ADGRB3: variants seen among roughly 807,000 people sequenced by gnomAD.
The protein encoded by ADGRB3 is adhesion G protein-coupled receptor B3.
Under a neutral mutation model 193.4 loss-of-function variants are expected in ADGRB3, and 37 were observed. The observed-to-expected ratio is 0.19, with a 90% CI of 0.15 to 0.25. The LOEUF (loss-of-function observed/expected upper bound fraction) is 0.25. Among genes scored for constraint, ADGRB3 ranks in the 10% least tolerant of loss-of-function variants. ADGRB3 has a pLI of 1.00. For missense variants in ADGRB3, 1,637 were observed against 1,852.9 expected (o/e 0.88, Z 2.14); for synonymous variants, 690 against 644.2 (o/e 1.07, Z -1.08).
At chr6:68,651,513 G>A (rs940833751) in intron 3 of ADGRB3, among the ~76,000 whole-genome samples, 2 of 152,228 alleles carry the variant, frequency 1.3e-5, no homozygotes, top group Admixed American at 1.3e-4. Flanking sequence ...TATTACATGT[G>A]CTTGCCTCTG....
At chr6:69,005,500 A>G (rs113825369) in intron 11 of ADGRB3, among the ~76,000 whole-genome samples, 1 of 152,178 alleles carries the variant, frequency 6.6e-6, no homozygotes, top group African/African-American at 2.4e-5. Flanking sequence ...AGTTTTCACA[A>G]TGAGTCAGAG....
chr6:69,199,503 C>A (rs905237306), intron 17 of ADGRB3, among the ~76,000 whole-genome samples: 2 of 151,972 alleles, frequency 1.3e-5, no homozygotes, highest in Admixed American at 6.6e-5. Flanking sequence ...ATAAGCTTTT[C>A]TTATTATAAC....
At chr6:69,325,843 G>A (rs1024895141) in intron 21 of ADGRB3, among the ~76,000 whole-genome samples, 1 of 152,158 alleles carries the variant, frequency 6.6e-6, no homozygotes, top group Admixed American at 6.5e-5. Flanking sequence ...GTTTCAGCAA[G>A]GTCTATTATG....
chr6:69,244,217 A>T (rs975803421), intron 20 of ADGRB3, among the ~76,000 whole-genome samples: 1 of 151,766 alleles, frequency 6.6e-6, no homozygotes, highest in African/African-American at 2.4e-5. Flanking sequence ...GTTCTCTATT[A>T]TGTTTTCTTC....
intron 6 of ADGRB3, among the ~76,000 whole-genome samples, chr6:68,948,253 A>G (rs1767825613): frequency 6.6e-6 from 1 of 152,104 alleles, no homozygotes; most frequent in Admixed American, 6.6e-5. Flanking sequence ...GTTTTCTGAT[A>G]TGGTTTAGGT....
At chr6:68,940,855 G>T (rs1767623739) in intron 5 of ADGRB3, among the ~76,000 whole-genome samples, 2 of 152,086 alleles carry the variant, frequency 1.3e-5, no homozygotes, top group Admixed American at 6.6e-5. Context: ...TCGTGCCACT[G>T]CACTCCAGCC....
intron 3 of ADGRB3, among the ~76,000 whole-genome samples, chr6:68,694,776 C>A (rs543107977): frequency 6.6e-6 from 1 of 152,118 alleles, no homozygotes; most frequent in Admixed American, 6.6e-5. Flanking sequence ...TAGATTCTAT[C>A]CCTTCACCAC....
chr6:69,330,106 C>CT (rs1436026303), intron 22 of ADGRB3, among the ~76,000 whole-genome samples: 7 of 151,508 alleles, frequency 4.6e-5, no homozygotes, highest in Non-Finnish European at 1.5e-5. Flanking sequence ...GTCTAAAACT[C>CT]TAAAAAAAAA....
intron 3 of ADGRB3, among the ~76,000 whole-genome samples, chr6:68,736,603 A>G (rs889197262): frequency 9.2e-5 from 14 of 152,140 alleles, no homozygotes; most frequent in African/African-American, 3.1e-4. Context: ...AAAGTCCCCA[A>G]AACAAGACTA....
intron 20 of ADGRB3, among the ~76,000 whole-genome samples, chr6:69,261,835 G>T (rs1766935786): frequency 6.6e-6 from 1 of 151,820 alleles, no homozygotes; most frequent in African/African-American, 2.4e-5. Context: ...AAAACTAAAG[G>T]TTCGTTAAGA....
chr6:69,014,698 T>G (rs1770038247), intron 12 of ADGRB3, among the ~76,000 whole-genome samples: 1 of 152,060 alleles, frequency 6.6e-6, no homozygotes, highest in South Asian at 2.1e-4. Context: ...CTAATTTGTT[T>G]TCCTCTGAAT....
At chr6:68,866,996 A>T (rs62416371) in intron 3 of ADGRB3, among the ~76,000 whole-genome samples, 2 of 152,106 alleles carry the variant, frequency 1.3e-5, no homozygotes, top group Non-Finnish European at 1.5e-5. Flanking sequence ...AAAAATTTGC[A>T]GACTGACCAT....
At chr6:69,297,368 T>TCTC (rs1767846054) in intron 20 of ADGRB3, among the ~76,000 whole-genome samples, 115 of 97,546 alleles carry the variant, frequency 1.2e-3, no homozygotes, top group East Asian at 6.8e-3. Context: ...CTCTCTCTCT[T>TCTC]TCTCTCTCTC....
chr6:69,251,811 A>G (rs73745989), intron 20 of ADGRB3, among the ~76,000 whole-genome samples: 21,443 of 152,112 alleles, frequency 0.14, 1,581 homozygotes, highest in Middle Eastern at 0.16. Flanking sequence ...TCCTTTAGCA[A>G]ATTTCAAATA....
At chr6:69,281,807 T>C (rs948780935) in intron 20 of ADGRB3, among the ~76,000 whole-genome samples, 11 of 152,168 alleles carry the variant, frequency 7.2e-5, no homozygotes, top group African/African-American at 2.7e-4. Flanking sequence ...ACATAATAGA[T>C]AGCTATGACA....
intron 26 of ADGRB3, among the ~76,000 whole-genome samples, chr6:69,351,904 AAT>A (rs1344961619): frequency 6.6e-6 from 1 of 152,220 alleles, no homozygotes; most frequent in African/African-American, 2.4e-5. Context: ...GTATTGCCAA[AAT>A]ATTTCTCATT....
At chr6:69,215,262 T>C (rs1227707544) in intron 17 of ADGRB3, among the ~76,000 whole-genome samples, 1 of 152,174 alleles carries the variant, frequency 6.6e-6, no homozygotes, top group Non-Finnish European at 1.5e-5. Flanking sequence ...TTAATTATAC[T>C]GAGGTTATGC....
intron 17 of ADGRB3, among the ~76,000 whole-genome samples, chr6:69,228,826 GA>G (rs566649720): frequency 1.4e-3 from 208 of 152,240 alleles, no homozygotes; most frequent in Non-Finnish European, 1.5e-3. Flanking sequence ...ACCTGGAAAT[GA>G]AAAACCCAGC....
intron 3 of ADGRB3, among the ~76,000 whole-genome samples, chr6:68,788,605 T>G (rs904068741): frequency 1.3e-5 from 2 of 152,190 alleles, no homozygotes; most frequent in Non-Finnish European, 2.9e-5. Context: ...AGGTGTGGTG[T>G]GGTGCCGAAA....
Sources: allele counts gnomAD v4.1 joint callset (sites outside exome capture counted in the v4.1 genomes callset), GRCh38; gene constraint gnomAD v4.1.1; transcripts MANE v1.5; gene names NCBI Gene and HGNC (gene_info 2026-07-23, HGNC 2026-07-21).